GTF2H3: variants seen among roughly 807,000 people sequenced by gnomAD.
GTF2H3 encodes the protein general transcription factor IIH subunit 3.
A neutral mutation model predicts 51.1 loss-of-function variants in GTF2H3; 42 were observed. The ratio of observed to expected loss-of-function variants is 0.82; its 90% CI spans 0.64 to 1.06. The LOEUF (loss-of-function observed/expected upper bound fraction) is 1.06. GTF2H3 is among the 50% of genes least tolerant of loss of function. GTF2H3 has a pLI of 0.00. For synonymous variants in GTF2H3, 123 were observed against 123.8 expected (o/e 0.99, Z 0.04); for missense variants, 326 against 366.1 (o/e 0.89, Z 0.89).
In GTF2H3 at chr12:123,652,749, A is replaced by T; in HGVS notation, c.486+14A>T. On this transcript the variant is annotated intron_variant, in intron 7 of 12. Coordinates refer to ENST00000543341, the MANE Select transcript of GTF2H3 (RefSeq NM_001516.5). Reference sequence around the variant, plus strand: ...TCAAGGATATTGGTAAGATAAAAAAATCATTACTTTTTTATATGACAACTA... The same window carrying T: ...TCAAGGATATTGGTAAGATAAAAAATTCATTACTTTTTTATATGACAACTA... 6.8e-7 allele frequency: 1 copy of T among 1,479,316 alleles called. No homozygotes were observed. The highest frequency in any genetic ancestry group is 9.1e-7 in the Non-Finnish European group (1 of 1,096,118). 91.6% of individuals were successfully genotyped at this position (1,479,316 alleles called of 1,614,324 possible).
intron 1 of GTF2H3, among the ~76,000 whole-genome samples, chr12:123,635,934 T>A (rs1036810606): frequency 2.6e-5 from 4 of 152,196 alleles, no homozygotes; most frequent in African/African-American, 9.6e-5. Flanking sequence ...AGCAGATCTG[T>A]CTTTAGAACA....
intron 1 of GTF2H3, among the ~76,000 whole-genome samples, chr12:123,635,572 C>CA (rs11316749): frequency 0.05 from 4,242 of 84,982 alleles, 107 homozygotes; most frequent in Admixed American, 0.086. Context: ...GTCTCCGTCG[C>CA]AAAAAAAAAA....
At chr12:123,638,840 G>A (rs1291414171) in intron 1 of GTF2H3, among the ~76,000 whole-genome samples, 1 of 143,352 alleles carries the variant, frequency 7.0e-6, no homozygotes, top group East Asian at 2.0e-4. Flanking sequence ...CTGTGGCCCA[G>A]GCTGGAGTGC....
In GTF2H3 at chr12:123,660,236, G is replaced by A; in HGVS notation, c.*1G>A. 2 of 1,600,004 alleles carry A rather than the reference G, an allele frequency of 1.3e-6. No individual in the cohort carries two copies. The highest frequency in any genetic ancestry group is 2.2e-5 in the South Asian group (2 of 89,198). ...AAAGAAACTGAAAGTGTCTGCCTGA[G>A]GATAAAATATTTTCCCCATCTTTTA... On this transcript the variant is annotated 3_prime_UTR_variant, in exon 13 of 13. Transcript: ENST00000543341.
At chr12:123,650,250 T>C (rs1955503018) in intron 4 of GTF2H3, 1 of 152,192 alleles carries the variant, frequency 6.6e-6, no homozygotes. Context: ...TTGAGTGACT[T>C]TTTTCACCCA....
chr12:123,653,138 T>G (rs552141178), intron 7 of GTF2H3, among the ~76,000 whole-genome samples: 1 of 152,056 alleles, frequency 6.6e-6, no homozygotes, highest in Non-Finnish European at 1.5e-5. Context: ...TAAAACGCAT[T>G]TATAGTAGGA....
chr12:123,640,344 T>G (rs1428122921), intron 2 of GTF2H3, among the ~76,000 whole-genome samples: 1 of 151,156 alleles, frequency 6.6e-6, no homozygotes, highest in East Asian at 1.9e-4. Flanking sequence ...GGCCTTTTTT[T>G]TTTTTTTTTG....
rs552019052 is a variant in GTF2H3 at position 123,633,970 on chromosome 12, A to G, written c.13+98A>G. On this transcript the variant is annotated intron_variant, in intron 1 of 12. Transcript: ENST00000543341. Reference sequence around the variant, plus strand: ...GAATGTGTCTTTTGGGCTGGATAGAATCCGTTTGGTCTTTAGAGGAGTAGC... The same window carrying G: ...GAATGTGTCTTTTGGGCTGGATAGAGTCCGTTTGGTCTTTAGAGGAGTAGC... 5 of 1,348,092 alleles carry G rather than the reference A, an allele frequency of 3.7e-6. No homozygotes were observed. The Admixed American group carries it at 5.1e-5, about 14-fold the overall frequency. The allele number at this position is 1,348,092 out of a possible 1,614,324, so 83.5% of individuals were successfully genotyped here. A position where few individuals can be genotyped will look rare whatever the true frequency, so the allele number is the denominator to read the frequency against.
At chr12:123,646,590 T>C (rs1303212920) in intron 3 of GTF2H3, among the ~76,000 whole-genome samples, 2 of 152,104 alleles carry the variant, frequency 1.3e-5, no homozygotes, top group Non-Finnish European at 2.9e-5. Flanking sequence ...CACATTACAA[T>C]AGAAGTGACT....
At chr12:123,652,123 C>T (rs554247152) in intron 5 of GTF2H3, among the ~76,000 whole-genome samples, 13 of 152,192 alleles carry the variant, frequency 8.5e-5, no homozygotes, top group South Asian at 4.1e-4. Flanking sequence ...ATCTGTGTGA[C>T]GTTTTCTCAG....
chr12:123,652,271 T>C (rs1032951506), intron 5 of GTF2H3, among the ~76,000 whole-genome samples: 1 of 152,196 alleles, frequency 6.6e-6, no homozygotes, highest in African/African-American at 2.4e-5. Context: ...TAGGTAAGAA[T>C]AGGACAGTCA....
At position 123,661,520 on chromosome 12, in the gene GTF2H3, A is replaced by G. The variant is rs1198424684; in HGVS notation, c.*1285A>G. 1 of 152,046 alleles carries G rather than the reference A, an allele frequency of 6.6e-6. No homozygotes were observed. The highest frequency in any genetic ancestry group is 6.6e-5 in the Admixed American group (1 of 15,252). The allele number at this position is 152,046 out of a possible 1,614,324, so 9.4% of individuals were successfully genotyped here. On this transcript the variant is annotated 3_prime_UTR_variant, in exon 13 of 13. Transcript: ENST00000543341. ...GCCATGCGAAGTAGCAGGTGCCTGT[A>G]GTTCCAGCTACTCGGGAGGCTGAGG... is the stretch of plus-strand genomic sequence containing the variant.
intron 3 of GTF2H3, among the ~76,000 whole-genome samples, chr12:123,646,810 T>TC (rs1317906039): frequency 6.6e-6 from 1 of 151,716 alleles, no homozygotes; most frequent in East Asian, 1.9e-4. Context: ...TCAAAGTTTT[T>TC]TTTTTTTTTT....
intron 1 of GTF2H3, 55 bp downstream of exon 1, chr12:123,633,927 G>T (rs946200742): frequency 2.2e-5 from 35 of 1,583,298 alleles, no homozygotes; most frequent in Non-Finnish European, 2.7e-5. Context: ...TCTCGGTCCG[G>T]CTACGACTGG....
intron 7 of GTF2H3, among the ~76,000 whole-genome samples, chr12:123,653,094 CAAAAAGAAAAA>C (rs1955539490): frequency 6.9e-6 from 1 of 145,396 alleles, no homozygotes; most frequent in Non-Finnish European, 1.5e-5. Context: ...GACTCCGTCT[CAAAAAGAAAAA>C]AAAAAGAAAA....
chr12:123,650,738 T>G (rs188485130), intron 4 of GTF2H3, among the ~76,000 whole-genome samples: 53 of 152,338 alleles, frequency 3.5e-4, no homozygotes, highest in African/African-American at 1.1e-3. Context: ...TAACTCCCTG[T>G]TCCCCCTGCC....
chr12:123,653,489 G>A (rs1015736625), intron 7 of GTF2H3, among the ~76,000 whole-genome samples: 3 of 152,012 alleles, frequency 2.0e-5, no homozygotes, highest in East Asian at 1.9e-4. Context: ...GTGAAACCCC[G>A]TCTCTAGTAC....
At chr12:123,651,631 G>A (rs1175121579) in intron 5 of GTF2H3, among the ~76,000 whole-genome samples, 3 of 151,796 alleles carry the variant, frequency 2.0e-5, no homozygotes, top group African/African-American at 7.3e-5. Flanking sequence ...CATCCTGGCT[G>A]ACACAGTGAA....
Position 123,641,514 on chromosome 12 carries a change from C to T in GTF2H3, c.93+2171C>T, listed in dbSNP as rs148120346. Among the ~76,000 whole-genome samples, 32 of 150,104 alleles carry T rather than the reference C, an allele frequency of 2.1e-4. 1 individual carries two copies. Among genetic ancestry groups the T allele is most frequent in the African/African-American group, 7.2e-4 (29 of 40,464 alleles). On this transcript the variant is annotated intron_variant, in intron 2 of 12. Coordinates refer to ENST00000543341, the MANE Select transcript of GTF2H3 (RefSeq NM_001516.5). ...GTGCTGGGGTTACAGGCATGAGCCA[C>T]GTGTCTGCCCCCGTTTTTTTTTTTG...
Sources: gnomAD v4.1 joint callset for allele counts (sites outside exome capture counted in the v4.1 genomes callset) on GRCh38, gnomAD v4.1.1 for gene constraint, MANE v1.5 for transcripts, NCBI Gene and HGNC (gene_info 2026-07-23, HGNC 2026-07-21) for gene names.